MMP26: variants seen among roughly 807,000 people sequenced by gnomAD.
MMP26 encodes matrix metalloproteinase-26.
Under a neutral mutation model 31.0 loss-of-function variants are expected in MMP26, and 33 were observed. The observed-to-expected ratio is 1.06, with a 90% CI of 0.81 to 1.42. The LOEUF (loss-of-function observed/expected upper bound fraction) is 1.42. Among genes scored for constraint, MMP26 ranks in the 40% most tolerant of loss-of-function variants. The pLI is 0.00. For missense variants in MMP26, 347 were observed against 316.1 expected (o/e 1.10, Z -0.74); for synonymous variants, 122 against 114.9 (o/e 1.06, Z -0.40).
chr11:4,841,566 A>G (rs1322657078), intron 2 of MMP26, among the ~76,000 whole-genome samples: 1 of 152,194 alleles, frequency 6.6e-6, no homozygotes, highest in Non-Finnish European at 1.5e-5. Context: ...ATATCTTTAA[A>G]AGATGAAGAA....
chr11:4,709,871 C>A lies in MMP26; in HGVS notation c.-217+4826C>A, dbSNP rs146279711. ...AAATCAGTTTTGATGCCTGCATTGG[C>A]CAAATGTTCTTTATCCATGGCTTCA... On this transcript the variant is annotated intron_variant, in intron 1 of 7. Transcript: ENST00000380390. 361 of 456,990 alleles carry A rather than the reference C, an allele frequency of 7.9e-4. 1 individual carries two copies. Among genetic ancestry groups the A allele is most frequent in the African/African-American group, 5.9e-3 (298 of 50,194 alleles). The allele number at this position is 456,990 out of a possible 1,614,324, so 28.3% of individuals were successfully genotyped here. A position where few individuals can be genotyped will look rare whatever the true frequency, so the allele number is the denominator to read the frequency against.
chr11:4,734,846 T>TATATAAGCAGGGCATAGGCAGAATAACA (rs1296636856), intron 1 of MMP26, among the ~76,000 whole-genome samples: 1 of 151,736 alleles, frequency 6.6e-6, no homozygotes, highest in Non-Finnish European at 1.5e-5. Flanking sequence ...ATAGCATATT[T>TATATAAGCAGGGCATAGGCAGAATAACA]TCAGCTTGTA....
At chr11:4,940,423 C>T (rs1007721955) in intron 2 of MMP26, among the ~76,000 whole-genome samples, 5 of 152,126 alleles carry the variant, frequency 3.3e-5, no homozygotes, top group Non-Finnish European at 7.4e-5. Context: ...TCCATCCTTT[C>T]AGAATCCAAA....
rs11034100 is a variant in MMP26, at chr11:4,827,147, A to G, written c.-145+59806A>G. On this transcript the variant is annotated intron_variant, in intron 2 of 7. Transcript: ENST00000380390. ...ACTAAATGAGTCTGATTGCTGTAACAGTGATTGGAAAATGAGGCTAAAAGA... is the reference window on the plus strand; with the variant it reads ...ACTAAATGAGTCTGATTGCTGTAACGGTGATTGGAAAATGAGGCTAAAAGA... Among the ~76,000 whole-genome samples the G allele has an allele frequency of 1.1e-3, 164 of 152,288 alleles. 2 individuals carry two copies. In the East Asian group the frequency reaches 0.029, roughly 27 times the overall value.
chr11:4,930,049 T>A (rs182697439), intron 2 of MMP26, among the ~76,000 whole-genome samples: 8 of 152,258 alleles, frequency 5.3e-5, no homozygotes, highest in African/African-American at 1.9e-4. Flanking sequence ...TATATACAGA[T>A]AATTCTTTCA....
intron 2 of MMP26, among the ~76,000 whole-genome samples, chr11:4,814,971 C>T (rs1849401277): frequency 6.6e-6 from 1 of 152,084 alleles, no homozygotes; most frequent in Non-Finnish European, 1.5e-5. Context: ...GTACAGCTTG[C>T]TTTTATACAT....
At chr11:4,771,808 A>T (rs1375612476) in intron 2 of MMP26, among the ~76,000 whole-genome samples, 2 of 152,332 alleles carry the variant, frequency 1.3e-5, no homozygotes, top group African/African-American at 4.8e-5. Flanking sequence ...GAAAATATTT[A>T]AGTATGAATT....
intron 2 of MMP26, among the ~76,000 whole-genome samples, chr11:4,846,338 G>A (rs1031747117): frequency 3.3e-5 from 5 of 152,056 alleles, no homozygotes; most frequent in African/African-American, 9.7e-5. Flanking sequence ...CTTATTTGTG[G>A]GATCTAAAAA....
chr11:4,953,022 C>G (rs1846389242), intron 2 of MMP26, among the ~76,000 whole-genome samples: 1 of 124,216 alleles, frequency 8.1e-6, no homozygotes, highest in Non-Finnish European at 1.8e-5. Context: ...AATGAAAAGG[C>G]TAAAGTGGTT....
intron 1 of MMP26, among the ~76,000 whole-genome samples, chr11:4,764,141 C>G (rs568894493): frequency 1.3e-5 from 2 of 152,130 alleles, no homozygotes; most frequent in Non-Finnish European, 2.9e-5. Context: ...AATTTGTTTA[C>G]TCCATAATTT....
chr11:4,711,973 G>A (rs1778639885), intron 1 of MMP26: 1 of 152,010 alleles, frequency 6.6e-6, no homozygotes, highest in Non-Finnish European at 1.5e-5. Flanking sequence ...TTCAGGTGCT[G>A]TTAATAAATC....
chr11:4,849,042 A>G, intron 2 of MMP26: 1 of 1,614,064 alleles, frequency 6.2e-7, no homozygotes, highest in Non-Finnish European at 8.5e-7. Flanking sequence ...CAGGGCAATG[A>G]TCCAGAGGAT....
chr11:4,716,775 C>G (rs1462357102), intron 1 of MMP26, among the ~76,000 whole-genome samples: 1 of 149,440 alleles, frequency 6.7e-6, no homozygotes, highest in East Asian at 2.0e-4. Flanking sequence ...GATTCTCCTG[C>G]CTCAGCCTCC....
In MMP26 at chr11:4,901,149, C is replaced by CTTTT. The variant is rs55678976; in HGVS notation, c.-144-86895_-144-86892dup. 4.4e-3 allele frequency among the ~76,000 whole-genome samples: 370 copies of CTTTT among 84,508 alleles called. 71 individuals carry two copies. Among genetic ancestry groups the CTTTT allele is most frequent in the East Asian group, 0.018 (46 of 2,596 alleles). The allele number at this position is 84,508 out of a possible 152,430, so 55.4% of individuals were successfully genotyped here. A position where few individuals can be genotyped will look rare whatever the true frequency, so the allele number is the denominator to read the frequency against. On this transcript the variant is annotated intron_variant, in intron 2 of 7. Coordinates refer to ENST00000380390, the MANE Select transcript of MMP26 (RefSeq NM_021801.5). ...GTGGACTTCGCATCACCTCTTTGTG[C>CTTTT]TTTTTTTTTTTTTTTTTTTTTTTTT...
chr11:4,987,982 G>A, intron 2 of MMP26, 86 bp from the exon 3 acceptor site: 2 of 560,706 alleles, frequency 3.6e-6, no homozygotes, highest in Non-Finnish European at 3.2e-6. Context: ...GGGATGCTGA[G>A]GACCATCAGG....
At chr11:4,853,546 G>C (rs1166055636) in intron 2 of MMP26, among the ~76,000 whole-genome samples, 1 of 152,080 alleles carries the variant, frequency 6.6e-6, no homozygotes, top group African/African-American at 2.4e-5. Flanking sequence ...TAGACAATTA[G>C]TTGAAATTTT....
At chr11:4,778,635 T>A (rs779630170) in intron 2 of MMP26, among the ~76,000 whole-genome samples, 7 of 152,094 alleles carry the variant, frequency 4.6e-5, no homozygotes, top group Non-Finnish European at 1.0e-4. Context: ...AATTTTAGAA[T>A]AACCACTGTA....
At chr11:4,756,029 T>A (rs1232349374) in intron 1 of MMP26, among the ~76,000 whole-genome samples, 1 of 152,030 alleles carries the variant, frequency 6.6e-6, no homozygotes, top group African/African-American at 2.4e-5. Context: ...ATGTAAAAAC[T>A]TCTGCAGAAC....
At chr11:4,726,489 T>C (rs1039840903) in intron 1 of MMP26, among the ~76,000 whole-genome samples, 2 of 152,078 alleles carry the variant, frequency 1.3e-5, no homozygotes, top group African/African-American at 4.8e-5. Flanking sequence ...ATTGGTTTTA[T>C]TTTCTTTTCC....
Sources: gnomAD v4.1 joint callset for allele counts (sites outside exome capture counted in the v4.1 genomes callset) on GRCh38, gnomAD v4.1.1 for gene constraint, MANE v1.5 for transcripts, NCBI Gene and HGNC (gene_info 2026-07-23, HGNC 2026-07-21) for gene names.